Variants in TRMT6 observed in about 807,000 individuals in gnomAD.
The protein encoded by TRMT6 is tRNA (adenine(58)-N(1))-methyltransferase non-catalytic subunit TRM6.
A neutral mutation model predicts 59.0 loss-of-function variants in TRMT6; 34 were observed. The observed-to-expected ratio is 0.58, with a 90% CI of 0.44 to 0.77. TRMT6 has a LOEUF of 0.77. Among genes scored for constraint, TRMT6 ranks in the 30% least tolerant of loss-of-function variants. The pLI, the probability that TRMT6 is intolerant of heterozygous loss-of-function variation, is 0.00. For missense variants in TRMT6, 575 were observed against 604.5 expected (o/e 0.95, Z 0.51); for synonymous variants, 217 against 210.5 (o/e 1.03, Z -0.27).
rs549526522 is a variant in TRMT6 at position 5,938,261 on chromosome 20, T to C, written c.*274A>G. The C allele has an allele frequency of 6.8e-5, 22 of 321,300 alleles. No homozygotes were observed. The highest frequency in any genetic ancestry group is 3.8e-4 in the African/African-American group (18 of 47,614). 19.9% of individuals were successfully genotyped at this position (321,300 alleles called of 1,614,324 possible). A position where few individuals can be genotyped will look rare whatever the true frequency, so the allele number is the denominator to read the frequency against. ...AAACACATTTTTAGGATGTTGAAGTTCTCAAGATATTTGCACAGAATATTT... is the reference window on the plus strand; with the variant it reads ...AAACACATTTTTAGGATGTTGAAGTCCTCAAGATATTTGCACAGAATATTT... On this transcript the variant is annotated 3_prime_UTR_variant, in exon 11 of 11. Transcript: ENST00000203001.
At chr20:5,948,358 T>A (rs952717285) in intron 1 of TRMT6, among the ~76,000 whole-genome samples, 1 of 152,078 alleles carries the variant, frequency 6.6e-6, no homozygotes, top group South Asian at 2.1e-4. Context: ...GCCTGGACTG[T>A]TTTTTGCCCA....
At chr20:5,949,379 G>A (rs1422119089) in intron 1 of TRMT6, among the ~76,000 whole-genome samples, 1 of 151,996 alleles carries the variant, frequency 6.6e-6, no homozygotes, top group East Asian at 1.9e-4. Context: ...AAACACTGTG[G>A]TTGTATTTCT....
chr20:5,944,909 T>C lies in TRMT6; in HGVS notation c.262A>G (p.Lys88Glu). 6.2e-7 allele frequency: 1 copy of C among 1,611,210 alleles called. No individual in the cohort carries two copies. Among genetic ancestry groups the C allele is most frequent in the East Asian group, 2.2e-5 (1 of 44,862 alleles). Residue 88 changes from lysine (K) to glutamate (E), a missense_variant, in exon 3 of 11, where the codon AAA (lysine) becomes GAA (glutamate). Lys to Glu is a moderately conservative substitution (Grantham distance 56). Coordinates refer to ENST00000203001, the MANE Select transcript of TRMT6 (RefSeq NM_015939.5). The part of the protein sequence containing the change: ...KKREEPTAET[K>E]EAGTDNRNIV... The stretch of plus-strand genomic sequence containing the variant: ...TTTCGATTATCAGTGCCCGCTTCTT[T>C]AGTCTCTAAGGAAAGAAATTGCTCT...
At position 5,938,721 on chromosome 20, in the gene TRMT6, C is replaced by T; in HGVS notation, c.1308G>A (p.Leu436=). Reference sequence around the variant, plus strand: ...GCAGTTTAGGATGACTTCGATCTGGCAAAACCTAATCAAGACAGAAAAGAC... The same window carrying T: ...GCAGTTTAGGATGACTTCGATCTGGTAAAACCTAATCAAGACAGAAAAGAC... ...SETWLRNYQV[L]PDRSHPKLLM... Residue 436 remains leucine, a synonymous_variant, in exon 11 of 11, where the codon TTG becomes TTA. Transcript: ENST00000203001. The T allele has an allele frequency of 6.2e-7, 1 of 1,613,858 alleles. No individual in the cohort carries two copies. Among genetic ancestry groups the T allele is most frequent in the Non-Finnish European group, 8.5e-7 (1 of 1,179,866 alleles).
At chr20:5,949,754 A>C (rs2088760537) in intron 1 of TRMT6, among the ~76,000 whole-genome samples, 1 of 152,112 alleles carries the variant, frequency 6.6e-6, no homozygotes, top group African/African-American at 2.4e-5. Flanking sequence ...TGTGGGATAG[A>C]TCCTGACTGG....
chr20:5,943,727 C>T (rs779861476), intron 5 of TRMT6, 44 bp from the exon 6 acceptor site: 33 of 1,581,106 alleles, frequency 2.1e-5, no homozygotes, highest in Admixed American at 1.9e-4. Context: ...CTAAGTAAAG[C>T]CTATTATTTT....
Position 5,943,638 on chromosome 20 carries a change from A to G in TRMT6, c.588T>C (p.Asn196=), listed in dbSNP as rs1458961799. The change falls in exon 6 of 11, where the codon AAT becomes AAC. Residue 196 remains asparagine, a synonymous_variant. Transcript: ENST00000203001. ...DTLAQMLTLG[N]IRAGNKMIVM... is the part of the protein sequence containing the mutation. ...CAATCATTTTGTTGCCAGCACGGAT[A>G]TTTCCCAACGTCAACATCTGGGCTA... 1 of 1,614,216 alleles carries G rather than the reference A, an allele frequency of 6.2e-7. No individual in the cohort carries two copies.
In TRMT6 at chr20:5,937,710, CTA is replaced by C. The variant is rs2088619512; in HGVS notation, c.*823_*824del. ...TACATATTCATACAGGTGGTACAAT[CTA>C]TGTCTCCACTTGCATGTGTATGTAT... On this transcript the variant is annotated 3_prime_UTR_variant, in exon 11 of 11. Transcript: ENST00000203001. 1 of 152,176 alleles carries C rather than the reference CTA, an allele frequency of 6.6e-6. No individual in the cohort carries two copies. Among genetic ancestry groups the C allele is most frequent in the African/African-American group, 2.4e-5 (1 of 41,424 alleles). The allele number at this position is 152,176 out of a possible 1,614,324, so 9.4% of individuals were successfully genotyped here.
chr20:5,949,801 A>T lies in TRMT6; in HGVS notation c.128+477T>A, dbSNP rs369768182. 6.4e-4 allele frequency among the ~76,000 whole-genome samples: 97 copies of T among 152,240 alleles called. 1 individual carries two copies. In the South Asian group the frequency reaches 0.019, roughly 31 times the overall value. ...AGAAGGAGGATCTATGGTGGAAAAA[A>T]AGGGGGAACCTGAAGGAGACTCTGG... On this transcript the variant is annotated intron_variant, in intron 1 of 10. Coordinates refer to ENST00000203001, the MANE Select transcript of TRMT6 (RefSeq NM_015939.5).
chr20:5,946,989 G>T (rs2088713162), intron 1 of TRMT6, among the ~76,000 whole-genome samples: 1 of 152,124 alleles, frequency 6.6e-6, no homozygotes, highest in Non-Finnish European at 1.5e-5. Flanking sequence ...AATCCCACAG[G>T]AACACAATGC....
chr20:5,940,915 C>G, intron 10 of TRMT6, 138 bp downstream of exon 10: 1 of 708,156 alleles, frequency 1.4e-6, no homozygotes, highest in South Asian at 1.7e-5. Flanking sequence ...CCTGCCTTGG[C>G]CTCCCAAAGT....
rs2088660683 is a variant in TRMT6, at chr20:5,942,019, CCT to C, written c.1042_1043del (p.Arg348GlufsTer18). Reference sequence around the variant, plus strand: ...GTCTTTTCCTCTGCTCTTCTTGTCTCCTCTGTTTTTCCTGAATCTTCAAAAAG... The same window carrying C: ...GTCTTTTCCTCTGCTCTTCTTGTCTCCTGTTTTTCCTGAATCTTCAAAAAG... ...SKKDYIQEKQRRQEEQRKRHL... is the reference protein window; with the variant it reads ...SKKDYIQEKQXRQEEQRKRHL... On this transcript the variant is annotated frameshift_variant, in exon 8 of 11. Transcript: ENST00000203001. LOFTEE classifies it high-confidence loss of function. The C allele has an allele frequency of 3.1e-6, 5 of 1,612,748 alleles. No individual in the cohort carries two copies. Among genetic ancestry groups the C allele is most frequent in the Non-Finnish European group, 4.2e-6 (5 of 1,179,984 alleles).
In TRMT6 at chr20:5,944,206, C is replaced by T; in HGVS notation, c.414G>A (p.Lys138=). The change falls in exon 4 of 11, where the codon AAG becomes AAA. Residue 138 remains lysine, a synonymous_variant. Transcript: ENST00000203001. ...TATATTTATCTTGGGCAAATTCTGTCTTGTCTCGGAATGTTGTACTATTTT... is the reference window on the plus strand; with the variant it reads ...TATATTTATCTTGGGCAAATTCTGTTTTGTCTCGGAATGTTGTACTATTTT... ...LIENSTTFRD[K]TEFAQDKYIK... The T allele has an allele frequency of 1.3e-6, 2 of 1,568,596 alleles. No homozygotes were observed. The highest frequency in any genetic ancestry group is 1.7e-6 in the Non-Finnish European group (2 of 1,157,394).
At chr20:5,939,405 C>T (rs560383141) in intron 10 of TRMT6, among the ~76,000 whole-genome samples, 3 of 150,776 alleles carry the variant, frequency 2.0e-5, no homozygotes, top group South Asian at 2.1e-4. Flanking sequence ...TGCTTGAACC[C>T]GGGAGGCAGA....
At chr20:5,948,275 C>T (rs1031537815) in intron 1 of TRMT6, among the ~76,000 whole-genome samples, 1 of 152,084 alleles carries the variant, frequency 6.6e-6, no homozygotes, top group African/African-American at 2.4e-5. Flanking sequence ...GAATGTGGGG[C>T]CCCGTTAGAG....
chr20:5,943,992 A>G lies in TRMT6; in HGVS notation c.498T>C (p.Arg166=). Residue 166 remains arginine (R), a synonymous_variant, in exon 5 of 11, where the codon CGT becomes CGC. Transcript: ENST00000203001. The stretch of plus-strand genomic sequence containing the variant: ...TTGCATAATACATAATTGAAAGAAT[A>G]CGGGTGGATGGCTTCACAACAGTAA... ...AIITVVKPST[R]ILSIMYYARE... 6.2e-7 allele frequency: 1 copy of G among 1,610,744 alleles called. No homozygotes were observed. The highest frequency in any genetic ancestry group is 1.1e-5 in the South Asian group (1 of 89,892).
intron 5 of TRMT6, 37 bp from the exon 6 acceptor site, chr20:5,943,720 A>C (rs755631427): frequency 6.3e-7 from 1 of 1,592,726 alleles, no homozygotes; most frequent in Non-Finnish European, 8.5e-7. Context: ...TTTTTAGCTA[A>C]GTAAAGCCTA....
intron 1 of TRMT6, among the ~76,000 whole-genome samples, chr20:5,947,887 C>A (rs1195539177): frequency 6.6e-6 from 1 of 151,954 alleles, no homozygotes; most frequent in African/African-American, 2.4e-5. Flanking sequence ...TCCGTCTCTA[C>A]AAAAAATAAA....
At position 5,943,647 on chromosome 20, in the gene TRMT6, C is replaced by T. The variant is rs138159047; in HGVS notation, c.579G>A (p.Thr193=). Residue 193 remains threonine, a synonymous_variant, in exon 6 of 11, where the codon ACG becomes ACA. Transcript: ENST00000203001. ...MRYDTLAQML[T]LGNIRAGNKM... ...TGTTGCCAGCACGGATATTTCCCAA[C>T]GTCAACATCTGGGCTAGTGTATCGT... The T allele has an allele frequency of 7.1e-5, 115 of 1,614,066 alleles. No homozygotes were observed. The highest frequency in any genetic ancestry group is 9.1e-5 in the Non-Finnish European group (107 of 1,180,022).
Sources: allele counts gnomAD v4.1 joint callset (sites outside exome capture counted in the v4.1 genomes callset), GRCh38; gene constraint gnomAD v4.1.1; transcripts MANE v1.5; gene names NCBI Gene and HGNC (gene_info 2026-07-23, HGNC 2026-07-21).